The following FAM120A variants were observed in gnomAD, a reference collection of about 807,000 sequenced individuals.
FAM120A encodes family with sequence similarity 120 member A.
Under a neutral mutation model 109.7 loss-of-function variants are expected in FAM120A, and 15 were observed. The ratio of observed to expected loss-of-function variants is 0.14; its 90% CI spans 0.09 to 0.21. The LOEUF is 0.21. Ranked by LOEUF, FAM120A falls within the 10% of genes least tolerant of loss-of-function variation. FAM120A has a pLI of 1.00. For missense variants in FAM120A, 899 were observed against 1,439.3 expected (o/e 0.62, Z 6.07); for synonymous variants, 493 against 572.8 (o/e 0.86, Z 1.99).
chr9:93,472,641 A>T (rs1858358825), intron 2 of FAM120A, among the ~76,000 whole-genome samples: 1 of 152,222 alleles, frequency 6.6e-6, no homozygotes, highest in Admixed American at 6.5e-5. Flanking sequence ...TATATTGTGG[A>T]TTATTTTTAG....
intron 11 of FAM120A, among the ~76,000 whole-genome samples, chr9:93,547,325 A>G (rs1398645975): frequency 6.6e-6 from 1 of 152,242 alleles, no homozygotes; most frequent in Admixed American, 6.5e-5. Flanking sequence ...TGGAGGGCAT[A>G]AGGCTCCAGA....
intron 10 of FAM120A, among the ~76,000 whole-genome samples, chr9:93,539,970 G>T (rs1861639835): frequency 6.6e-6 from 1 of 152,204 alleles, no homozygotes; most frequent in Admixed American, 6.5e-5. Flanking sequence ...GCACTAATTT[G>T]TAATTAATTT....
Position 93,471,193 on chromosome 9 carries a change from A to C in FAM120A, c.527A>C (p.Glu176Ala). The change falls in exon 2 of 18, where the codon GAG (glutamate) becomes GCG (alanine). Residue 176 changes from glutamate to alanine, a missense_variant. Transcript: ENST00000277165. ...HHQEVIGFCR[E>A]NGFHGLVAYD... ...CAGGAAGTGATTGGTTTCTGCAGAG[A>C]GAATGGTTTCCATGGCTTGGTTGCG... 1 of 1,614,148 alleles carries C rather than the reference A, an allele frequency of 6.2e-7. No individual in the cohort carries two copies. The highest frequency in any genetic ancestry group is 8.5e-7 in the Non-Finnish European group (1 of 1,180,028).
chr9:93,468,491 C>T (rs1218565746), intron 1 of FAM120A, among the ~76,000 whole-genome samples: 1 of 152,068 alleles, frequency 6.6e-6, no homozygotes, highest in Non-Finnish European at 1.5e-5. Flanking sequence ...AATAGTACTT[C>T]TTCAGCTTTT....
intron 1 of FAM120A, among the ~76,000 whole-genome samples, chr9:93,465,959 A>G (rs544251003): frequency 2.6e-5 from 4 of 152,230 alleles, no homozygotes; most frequent in South Asian, 4.1e-4. Flanking sequence ...ATATTAAATT[A>G]TGGCTGTGTG....
At chr9:93,520,945 A>G (rs908853515) in intron 7 of FAM120A, among the ~76,000 whole-genome samples, 3 of 152,142 alleles carry the variant, frequency 2.0e-5, no homozygotes, top group Non-Finnish European at 4.4e-5. Flanking sequence ...TATCTTATTC[A>G]GCATTTTAGT....
rs1861353594 is a variant in FAM120A at position 93,532,149 on chromosome 9, G to C, written c.1735-6G>C. 1 of 1,612,938 alleles carries C rather than the reference G, an allele frequency of 6.2e-7. No individual in the cohort carries two copies. Among genetic ancestry groups the C allele is most frequent in the Admixed American group, 1.7e-5 (1 of 59,904 alleles). ...GCAATGTTATTCTGCTTTCTTCCAT[G>C]CAAAGGGTGAAATCAAAATTGCTGT... On this transcript the variant is annotated splice_polypyrimidine_tract_variant and splice_region_variant and intron_variant, in intron 9 of 17. Coordinates refer to ENST00000277165, the MANE Select transcript of FAM120A (RefSeq NM_014612.5). This position sits in a 1 kb window ranked among gnomAD's most constrained non-coding sequence, Gnocchi z 4.3.
chr9:93,495,497 G>A lies in FAM120A; in HGVS notation c.805-1974G>A, dbSNP rs538046397. Among the ~76,000 whole-genome samples the A allele has an allele frequency of 1.8e-4, 28 of 152,306 alleles. 1 individual carries two copies. In the South Asian group the frequency reaches 5.8e-3, roughly 32 times the overall value. ...CATACATGGAGGCTTTGAGAGCAGG[G>A]GCCTGGAGGGGAATGATAGAGAAGT... is the stretch of plus-strand genomic sequence containing the variant. On this transcript the variant is annotated intron_variant, in intron 3 of 17. Transcript: ENST00000277165.
intron 12 of FAM120A, among the ~76,000 whole-genome samples, chr9:93,555,034 C>T (rs1029455593): frequency 1.3e-5 from 2 of 152,226 alleles, no homozygotes; most frequent in African/African-American, 4.8e-5. Context: ...TCCCTTTCTG[C>T]AGCTCAGAGG....
chr9:93,457,706 A>C (rs1857612338), intron 1 of FAM120A, among the ~76,000 whole-genome samples: 1 of 152,212 alleles, frequency 6.6e-6, no homozygotes, highest in African/African-American at 2.4e-5. Flanking sequence ...AGCGAAGGAA[A>C]ACTTGGTTCT....
At chr9:93,549,501 C>T (rs1429655008) in intron 11 of FAM120A, among the ~76,000 whole-genome samples, 2 of 152,134 alleles carry the variant, frequency 1.3e-5, no homozygotes, top group Admixed American at 6.5e-5. Context: ...CTAGAACCTC[C>T]CTTACTTAGT....
chr9:93,457,600 G>A (rs934353638), intron 1 of FAM120A, among the ~76,000 whole-genome samples: 6 of 152,054 alleles, frequency 3.9e-5, no homozygotes, highest in Non-Finnish European at 7.4e-5. Context: ...TAAAAGCCAC[G>A]TAGGACCATA....
Position 93,497,617 on chromosome 9 carries a change from C to T in FAM120A, c.933+18C>T. 1.9e-6 allele frequency: 3 copies of T among 1,588,324 alleles called. No individual in the cohort carries two copies. The highest frequency in any genetic ancestry group is 2.6e-6 in the Non-Finnish European group (3 of 1,172,204). Reference sequence around the variant, plus strand: ...ATTCACAGGTAAAAAAAAAAACAAACAAAACAAAAAAACAGATTCATGGGA... The same window carrying T: ...ATTCACAGGTAAAAAAAAAAACAAATAAAACAAAAAAACAGATTCATGGGA... On this transcript the variant is annotated intron_variant, in intron 4 of 17. Coordinates refer to ENST00000277165, the MANE Select transcript of FAM120A (RefSeq NM_014612.5).
At position 93,471,267 on chromosome 9, in the gene FAM120A, C is replaced by G. The variant is rs1404469638; in HGVS notation, c.601C>G (p.His201Asp). The change falls in exon 2 of 18, where the codon CAT (histidine) becomes GAT (aspartate). Residue 201 changes from histidine to aspartate, a missense_variant. Around this residue, in one of 11 missense-constraint regions of FAM120A, gnomAD observed 258 missense variants for 451.4 expected, o/e 0.57. Transcript: ENST00000277165. Reference protein sequence around the residue: ...LCNIPYYFSAHALKLSRNGKS... With the variant: ...LCNIPYYFSADALKLSRNGKS... ...CAACATCCCCTACTATTTCAGTGCC[C>G]ATGCCCTAAAACTGAGCCGGAACGG... 1 of 1,614,166 alleles carries G rather than the reference C, an allele frequency of 6.2e-7. No homozygotes were observed. The highest frequency in any genetic ancestry group is 8.5e-7 in the Non-Finnish European group (1 of 1,180,032).
chr9:93,555,467 A>C (rs141219287), intron 12 of FAM120A, among the ~76,000 whole-genome samples: 92 of 152,366 alleles, frequency 6.0e-4, no homozygotes, highest in Non-Finnish European at 1.0e-3. Flanking sequence ...TTTACCTGCC[A>C]CATGTAGGCA....
At chr9:93,477,649 TA>T (rs1483298692) in intron 3 of FAM120A, among the ~76,000 whole-genome samples, 1 of 152,240 alleles carries the variant, frequency 6.6e-6, no homozygotes, top group African/African-American at 2.4e-5. Flanking sequence ...TATGCTTTTG[TA>T]AGTGAGACAC....
chr9:93,506,581 ATGAT>A (rs1860066580), intron 5 of FAM120A, among the ~76,000 whole-genome samples: 1 of 145,696 alleles, frequency 6.9e-6, no homozygotes, highest in African/African-American at 2.7e-5. Context: ...GACTTAGGGC[ATGAT>A]TTTTTTTTTT....
At position 93,498,724 on chromosome 9, in the gene FAM120A, A is replaced by T. The variant is rs1859678920; in HGVS notation, c.934-66A>T. ...ATATTATACATGTGCTGAATTATAA[A>T]AAACATTGTGATACACATGACCAGT... On this transcript the variant is annotated intron_variant, in intron 4 of 17. Coordinates refer to ENST00000277165, the MANE Select transcript of FAM120A (RefSeq NM_014612.5). The surrounding 1 kb of genome is among the most constrained non-coding windows in gnomAD (Gnocchi z 4.4). 2.2e-6 allele frequency: 2 copies of T among 923,958 alleles called. No individual in the cohort carries two copies. Among genetic ancestry groups the T allele is most frequent in the Admixed American group, 3.6e-5 (2 of 54,982 alleles). 57.2% of individuals were successfully genotyped at this position (923,958 alleles called of 1,614,324 possible).
At chr9:93,550,330 A>G (rs150536769) in intron 11 of FAM120A, among the ~76,000 whole-genome samples, 3 of 152,230 alleles carry the variant, frequency 2.0e-5, no homozygotes, top group African/African-American at 7.2e-5. Flanking sequence ...CTGACTAGCT[A>G]GTTTTCAGTA....
Sources: gnomAD v4.1 joint callset for allele counts (sites outside exome capture counted in the v4.1 genomes callset) on GRCh38, gnomAD v4.1.1 for gene constraint, gnomAD v4.1.1 regional missense constraint, Gnocchi (gnomAD v3.1) non-coding constraint, MANE v1.5 for transcripts, NCBI Gene and HGNC (gene_info 2026-07-23, HGNC 2026-07-21) for gene names.